The following DCC variants were observed in gnomAD, a reference collection of about 807,000 sequenced individuals.
DCC encodes DCC netrin 1 receptor, also known as netrin receptor DCC.
DCC carries 58 observed loss-of-function variants against 172.5 expected under a neutral mutation model. The observed-to-expected ratio is 0.34, with a 90% CI of 0.27 to 0.42. DCC has a LOEUF of 0.42. Among genes scored for constraint, DCC ranks in the 10% least tolerant of loss-of-function variants. The pLI is 1.00. For missense variants in DCC, 1,740 were observed against 1,791.0 expected, an observed-to-expected ratio of 0.97 and a Z score of 0.51; for synonymous variants, 709 against 644.5, an observed-to-expected ratio of 1.10 and a Z score of -1.52.
At chr18:52,417,641 C>T (rs150872151) in intron 1 of DCC, among the ~76,000 whole-genome samples, 3,823 of 152,202 alleles carry the variant, frequency 0.025, 72 homozygotes, top group Non-Finnish European at 0.039. Context: ...ATCACTGATA[C>T]CCTTTCTTCC....
chr18:53,375,395 G>A (rs1378816168), intron 15 of DCC, among the ~76,000 whole-genome samples: 16 of 152,118 alleles, frequency 1.1e-4, no homozygotes, highest in Non-Finnish European at 2.9e-5. Context: ...AATGGGAAGA[G>A]GAAGGAATTA....
At chr18:53,450,742 C>A (rs758025058) in intron 23 of DCC, 80 bp downstream of exon 23, 1 of 1,182,708 alleles carries the variant, frequency 8.5e-7, no homozygotes, top group Non-Finnish European at 1.2e-6. Context: ...TTTCTGCGTT[C>A]TTTCATAATT....
chr18:52,456,008 T>C (rs1184005803), intron 1 of DCC, among the ~76,000 whole-genome samples: 1 of 152,192 alleles, frequency 6.6e-6, no homozygotes, highest in African/African-American at 2.4e-5. Context: ...TAACTTTTGG[T>C]TTTCCTGCCT....
chr18:52,668,049 AAAC>A (rs1434910747), intron 1 of DCC, among the ~76,000 whole-genome samples: 6 of 140,086 alleles, frequency 4.3e-5, no homozygotes, highest in East Asian at 4.1e-4. Flanking sequence ...AAGGAAAAAA[AAAC>A]AACAACAAAA....
At chr18:52,431,172 A>G (rs1467110583) in intron 1 of DCC, among the ~76,000 whole-genome samples, 1 of 152,126 alleles carries the variant, frequency 6.6e-6, no homozygotes, top group Non-Finnish European at 1.5e-5. Context: ...AATATACTGA[A>G]TCAAGAATGC....
intron 2 of DCC, among the ~76,000 whole-genome samples, chr18:52,866,295 C>T (rs972397721): frequency 6.6e-6 from 1 of 152,100 alleles, no homozygotes; most frequent in East Asian, 1.9e-4. Flanking sequence ...GTTACTGTAG[C>T]CTTACAGGAT....
chr18:53,495,563 T>C (rs1275056735), intron 26 of DCC, among the ~76,000 whole-genome samples: 1 of 152,128 alleles, frequency 6.6e-6, no homozygotes, highest in East Asian at 1.9e-4. Flanking sequence ...TTTCCTTCAT[T>C]TCAACCTTGG....
At chr18:53,485,607 T>C (rs185224415) in intron 25 of DCC, among the ~76,000 whole-genome samples, 219 of 152,260 alleles carry the variant, frequency 1.4e-3, no homozygotes, top group African/African-American at 5.0e-3. Flanking sequence ...TAAGTAAACA[T>C]GTTCAAATGC....
intron 5 of DCC, among the ~76,000 whole-genome samples, chr18:52,996,842 CTCTA>C (rs924222625): frequency 2.8e-5 from 4 of 144,230 alleles, no homozygotes; most frequent in African/African-American, 1.0e-4. Context: ...CGCCCTCTTT[CTCTA>C]TCTCTTTCCC....
intron 26 of DCC, among the ~76,000 whole-genome samples, chr18:53,491,627 A>G (rs1426924342): frequency 1.3e-5 from 2 of 151,952 alleles, no homozygotes; most frequent in East Asian, 1.9e-4. Context: ...GCTGAGAATG[A>G]TGGTTTCCTC....
intron 5 of DCC, among the ~76,000 whole-genome samples, chr18:53,017,624 G>T (rs1483620521): frequency 6.6e-6 from 1 of 152,078 alleles, no homozygotes; most frequent in Non-Finnish European, 1.5e-5. Flanking sequence ...AGGAACAATG[G>T]TCCATAAAGT....
chr18:52,820,008 C>T (rs2038376358), intron 2 of DCC, among the ~76,000 whole-genome samples: 1 of 152,140 alleles, frequency 6.6e-6, no homozygotes, highest in Non-Finnish European at 1.5e-5. Flanking sequence ...GCGTGAGCCA[C>T]CACGCCCAGC....
intron 27 of DCC, among the ~76,000 whole-genome samples, chr18:53,521,844 G>T (rs539672807): frequency 9.2e-5 from 14 of 152,200 alleles, no homozygotes; most frequent in African/African-American, 2.6e-4. Context: ...TCAAAAATAA[G>T]TAAAAGATGT....
At chr18:53,309,436 C>G (rs1217728415) in intron 13 of DCC, among the ~76,000 whole-genome samples, 1 of 152,110 alleles carries the variant, frequency 6.6e-6, no homozygotes, top group Non-Finnish European at 1.5e-5. Flanking sequence ...TGTAAAGACC[C>G]TATTTCCAAA....
At chr18:52,607,326 C>A (rs575105917) in intron 1 of DCC, among the ~76,000 whole-genome samples, 1 of 152,250 alleles carries the variant, frequency 6.6e-6, no homozygotes, top group Admixed American at 6.5e-5. Flanking sequence ...ATGAACATGT[C>A]TTTCCTTGTG....
chr18:53,226,934 G>GTATGTATATATATA (rs1555734407), intron 12 of DCC, among the ~76,000 whole-genome samples: 1 of 68,162 alleles, frequency 1.5e-5, no homozygotes, highest in Admixed American at 1.8e-4. Context: ...GTGTGTGTGT[G>GTATGTATATATATA]TATATATATA....
At chr18:52,498,096 T>C (rs1414733448) in intron 1 of DCC, among the ~76,000 whole-genome samples, 1 of 152,184 alleles carries the variant, frequency 6.6e-6, no homozygotes, top group Non-Finnish European at 1.5e-5. Context: ...GAATTTTGTA[T>C]AATTTTTACC....
At chr18:52,774,603 T>G (rs145028516) in intron 2 of DCC, among the ~76,000 whole-genome samples, 107 of 152,314 alleles carry the variant, frequency 7.0e-4, no homozygotes, top group African/African-American at 2.4e-3. Context: ...AAAGGTTCCC[T>G]TGTTCCCCTC....
At chr18:52,708,441 C>A (rs1416347759) in intron 1 of DCC, among the ~76,000 whole-genome samples, 7 of 136,196 alleles carry the variant, frequency 5.1e-5, no homozygotes, top group African/African-American at 1.1e-4. Flanking sequence ...GACTCTGTCT[C>A]AAAAAAAAAA....
Sources: allele counts gnomAD v4.1 joint callset (sites outside exome capture counted in the v4.1 genomes callset), GRCh38; gene constraint gnomAD v4.1.1; transcripts MANE v1.5; gene names NCBI Gene and HGNC (gene_info 2026-07-23, HGNC 2026-07-21).